Variants in RNF213 observed in about 807,000 individuals in gnomAD.
RNF213 encodes ring finger protein 213.
Under a neutral mutation model 514.4 loss-of-function variants are expected in RNF213, and 341 were observed. The ratio of observed to expected loss-of-function variants is 0.66; its 90% confidence interval spans 0.61 to 0.73. RNF213 has a LOEUF of 0.73. Among genes scored for constraint, RNF213 ranks in the 30% least tolerant of loss-of-function variants. RNF213 has a pLI of 0.00. For missense variants in RNF213, 5,767 were observed against 6,615.6 expected, an observed-to-expected ratio of 0.87 and a Z score of 4.45; for synonymous variants, 2,655 against 2,658.2, an observed-to-expected ratio of 1.00 and a Z score of 0.04.
chr17:80,316,293 C>T (rs2045946875), intron 15 of RNF213: 1 of 152,090 alleles, frequency 6.6e-6, no homozygotes, highest in South Asian at 2.1e-4. Flanking sequence ...GTGTTTCAAC[C>T]TCCTAGTGTC....
At chr17:80,382,761 G>A (rs2080072589) in intron 57 of RNF213, 1 of 480,110 alleles carries the variant, frequency 2.1e-6, no homozygotes, top group Non-Finnish European at 3.8e-6. Flanking sequence ...TTACAATTAT[G>A]TAGGATAGAG....
chr17:80,286,623 G>A (rs2044481532), intron 3 of RNF213, among the ~76,000 whole-genome samples: 1 of 152,136 alleles, frequency 6.6e-6, no homozygotes, highest in East Asian at 1.9e-4. Context: ...GGAGAGGGTG[G>A]ATTAGCCCCT....
intron 10 of RNF213, 30 bp from the exon 11 acceptor site, chr17:80,298,291 G>T: frequency 6.2e-7 from 1 of 1,611,364 alleles, no homozygotes; most frequent in East Asian, 2.2e-5. Context: ...GGCCAGCTCA[G>T]CTCACTGCGG....
At chr17:80,371,455 C>T (rs1487211861) in intron 46 of RNF213, among the ~76,000 whole-genome samples, 1 of 152,250 alleles carries the variant, frequency 6.6e-6, no homozygotes, top group Non-Finnish European at 1.5e-5. Context: ...AACCACTCTT[C>T]TCACGGATTC....
intron 47 of RNF213, among the ~76,000 whole-genome samples, chr17:80,372,295 ATAAAT>A (rs2079547580): frequency 6.6e-6 from 1 of 152,034 alleles, no homozygotes; most frequent in African/African-American, 2.4e-5. Flanking sequence ...TATAATGTAA[ATAAAT>A]TAGATAATTT....
In RNF213 at chr17:80,355,579, AGTGGG is replaced by A. The variant is rs1568123125; in HGVS notation, c.10862+1004_10862+1008del. Among the ~76,000 whole-genome samples the A allele has an allele frequency of 4.8e-3, 322 of 67,244 alleles. 69 individuals are homozygous for A. Among genetic ancestry groups the A allele is most frequent in the South Asian group, 8.6e-3 (15 of 1,736 alleles). 44.1% of individuals were successfully genotyped at this position (67,244 alleles called of 152,430 possible). On this transcript the variant is annotated intron_variant, in intron 36 of 67. Transcript: ENST00000582970. ...GGCTTATGGAGGAAGAAGCGGGGTG[AGTGGG>A]AATGGGGGCTTACAGGGGAAGAAGC...
intron 10 of RNF213, among the ~76,000 whole-genome samples, chr17:80,297,786 C>CAAA (rs550895440): frequency 3.1e-5 from 3 of 98,170 alleles, no homozygotes; most frequent in African/African-American, 1.1e-4. Context: ...GACTCCGTCT[C>CAAA]AAAAAAAAAA....
At chr17:80,350,106 G>A (rs1315471030) in intron 30 of RNF213, among the ~76,000 whole-genome samples, 195 bp from the exon 31 acceptor site, 4 of 151,998 alleles carry the variant, frequency 2.6e-5, no homozygotes, top group South Asian at 2.1e-4. Context: ...ATCCTCCTCC[G>A]AGAGCACCAT....
At chr17:80,378,983 G>A (rs1011206867) in intron 54 of RNF213, among the ~76,000 whole-genome samples, 19 of 152,144 alleles carry the variant, frequency 1.2e-4, no homozygotes, top group Admixed American at 7.2e-4. Context: ...AGACTGGCCC[G>A]GGCAACATGT....
intron 37 of RNF213, among the ~76,000 whole-genome samples, chr17:80,359,583 A>G (rs1372857779): frequency 7.1e-6 from 1 of 140,422 alleles, no homozygotes; most frequent in Non-Finnish European, 1.6e-5. Flanking sequence ...CAGAAGGAAG[A>G]AAGAGAAAGA....
chr17:80,354,362 G>C (rs1481018319), intron 35 of RNF213, 79 bp from the exon 36 acceptor site: 29 of 1,606,080 alleles, frequency 1.8e-5, no homozygotes, highest in East Asian at 2.2e-5. Context: ...TCCCTTCCTG[G>C]GGGAGGTGGG....
In RNF213 at chr17:80,353,945, C is replaced by T. The variant is rs11656211; in HGVS notation, c.10579-74C>T. ...CTGTTTGCTGCATTGAGACCCTCATCGCATACGGGCGGTTTGGCTTTTGCC... is the reference window on the plus strand; with the variant it reads ...CTGTTTGCTGCATTGAGACCCTCATTGCATACGGGCGGTTTGGCTTTTGCC... On this transcript the variant is annotated intron_variant, in intron 34 of 67. Coordinates refer to ENST00000582970, the MANE Select transcript of RNF213 (RefSeq NM_001256071.3). This position sits in a 1 kb window ranked among gnomAD's most constrained non-coding sequence, Gnocchi z 5.0. 149,521 of 1,577,744 alleles carry T rather than the reference C, an allele frequency of 0.095. 7,950 individuals are homozygous for T. Among genetic ancestry groups the T allele is most frequent in the Non-Finnish European group, 0.11 (129,035 of 1,150,526 alleles).
In RNF213 at chr17:80,377,929, G is replaced by T; in HGVS notation, c.13545+133G>T. ...ACAGGCTCACCGAGGACTGCCCAGG[G>T]TGCTCTGAGCAGGGCAATGCCAATG... On this transcript the variant is annotated intron_variant, in intron 54 of 67. Coordinates refer to ENST00000582970, the MANE Select transcript of RNF213 (RefSeq NM_001256071.3). This position sits in a 1 kb window ranked among gnomAD's most constrained non-coding sequence, Gnocchi z 4.1. The T allele has an allele frequency of 9.5e-7, 1 of 1,055,064 alleles. No homozygotes were observed. Among genetic ancestry groups the T allele is most frequent in the Non-Finnish European group, 1.5e-6 (1 of 674,776 alleles). 65.4% of individuals were successfully genotyped at this position (1,055,064 alleles called of 1,614,324 possible). A position where few individuals can be genotyped will look rare whatever the true frequency, so the allele number is the denominator to read the frequency against.
At chr17:80,369,257 G>T (rs756835906) in intron 44 of RNF213, among the ~76,000 whole-genome samples, 9 of 152,156 alleles carry the variant, frequency 5.9e-5, no homozygotes, top group African/African-American at 9.7e-5. Context: ...AATTAGCCAG[G>T]CGTGATGGTG....
chr17:80,396,338 T>C lies in RNF213; in HGVS notation c.*2840T>C, dbSNP rs552482957. The C allele has an allele frequency of 7.9e-5, 12 of 152,348 alleles. No individual in the cohort carries two copies. The East Asian group carries it at 2.3e-3, about 29-fold the overall frequency. The allele number at this position is 152,348 out of a possible 1,614,324, so 9.4% of individuals were successfully genotyped here. A position where few individuals can be genotyped will look rare whatever the true frequency, so the allele number is the denominator to read the frequency against. ...ATGAATAGTTATGAGACTTTGTGCA[T>C]GTGTTAACCGAGACGGCCCTGAGCT... is the stretch of plus-strand genomic sequence containing the variant. On this transcript the variant is annotated 3_prime_UTR_variant, in exon 68 of 68. Coordinates refer to ENST00000582970, the MANE Select transcript of RNF213 (RefSeq NM_001256071.3).
chr17:80,319,141 G>T (rs750264083), intron 16 of RNF213, 49 bp from the exon 17 acceptor site: 3 of 1,613,938 alleles, frequency 1.9e-6, no homozygotes, highest in Admixed American at 3.3e-5. Flanking sequence ...TAGAGCACTG[G>T]AGCGCTGCAT....
chr17:80,345,511 G>C lies in RNF213; in HGVS notation c.7176G>C (p.Thr2392=), dbSNP rs774601132. The C allele has an allele frequency of 1.2e-6, 2 of 1,611,714 alleles. No individual in the cohort carries two copies. The highest frequency in any genetic ancestry group is 1.7e-5 in the Admixed American group (1 of 59,950). ...GIPQATDPDK[T]YELTTDNMLK... is the part of the protein sequence containing the mutation. ...CCCAGGCCACCGACCCCGACAAAACGTATGAGCTCACAACCGACAATATGC... is the reference window on the plus strand; with the variant it reads ...CCCAGGCCACCGACCCCGACAAAACCTATGAGCTCACAACCGACAATATGC... The change falls in exon 29 of 68, where the codon ACG becomes ACC. Residue 2392 remains threonine, a synonymous_variant. Transcript: ENST00000582970. This position sits in a 1 kb window ranked among gnomAD's most constrained non-coding sequence, Gnocchi z 6.0.
At chr17:80,292,327 C>T (rs989044963) in intron 8 of RNF213, among the ~76,000 whole-genome samples, 14 of 152,082 alleles carry the variant, frequency 9.2e-5, no homozygotes, top group South Asian at 4.2e-4. Context: ...CTCGACCTCC[C>T]GAAGTGTTGG....
intron 13 of RNF213, 30 bp downstream of exon 13, chr17:80,307,231 C>CT: frequency 6.2e-7 from 1 of 1,608,924 alleles, no homozygotes; most frequent in Non-Finnish European, 8.5e-7. Flanking sequence ...CAGTCTCTCC[C>CT]TCACATGCGG....
Sources: allele counts gnomAD v4.1 joint callset (sites outside exome capture counted in the v4.1 genomes callset), GRCh38; gene constraint gnomAD v4.1.1; non-coding constraint Gnocchi (gnomAD v3.1); transcripts MANE v1.5; gene names NCBI Gene and HGNC (gene_info 2026-07-23, HGNC 2026-07-21).